The following CHRDL2 variants were observed in gnomAD, a reference collection of about 807,000 sequenced individuals.
The protein encoded by CHRDL2 is chordin-like protein 2.
In CHRDL2, 41 loss-of-function variants were observed where a neutral mutation model predicts 54.3. The ratio of observed to expected loss-of-function variants is 0.76; its 90% CI spans 0.59 to 0.98. The LOEUF (loss-of-function observed/expected upper bound fraction) is 0.98, where lower values mean the gene tolerates loss of function less well. Among genes scored for constraint, CHRDL2 ranks in the 50% least tolerant of loss-of-function variants. The probability of loss-of-function intolerance (pLI) is 0.00; values close to 1 mark genes in which losing one functional copy is unlikely to be tolerated. For synonymous variants in CHRDL2, 220 were observed against 224.3 expected (o/e 0.98, Z 0.17); for missense variants, 518 against 562.4 (o/e 0.92, Z 0.80).
chr11:74,701,543 C>T (rs376631893), intron 9 of CHRDL2: 637 of 711,514 alleles, frequency 9.0e-4, no homozygotes, highest in Non-Finnish European at 1.3e-3. Context: ...GGGAAAGAGC[C>T]GCATCTGACG....
chr11:74,704,888 C>T (rs567422299), intron 6 of CHRDL2, among the ~76,000 whole-genome samples: 159 of 152,272 alleles, frequency 1.0e-3, no homozygotes, highest in Admixed American at 3.0e-3. Flanking sequence ...CTGGCCTCCA[C>T]GAAGCCCTTC....
intron 2 of CHRDL2, among the ~76,000 whole-genome samples, chr11:74,715,998 A>AAATAAAT (rs2034340253): frequency 8.0e-6 from 1 of 125,482 alleles, no homozygotes; most frequent in Admixed American, 7.7e-5. Flanking sequence ...AATAAATAAT[A>AAATAAAT]AATAAATAAA....
At chr11:74,699,828 C>T (rs981026972) in intron 9 of CHRDL2, among the ~76,000 whole-genome samples, 20 of 152,230 alleles carry the variant, frequency 1.3e-4, no homozygotes, top group Admixed American at 1.2e-3. Flanking sequence ...TTTGTTTTAA[C>T]TCCCACGGTC....
chr11:74,725,495 G>A lies in CHRDL2; in HGVS notation c.82+5312C>T, dbSNP rs539075934. Among the ~76,000 whole-genome samples the A allele has an allele frequency of 2.8e-4, 42 of 152,320 alleles. No homozygotes were observed. In the South Asian group the frequency reaches 5.6e-3, roughly 20 times the overall value. On this transcript the variant is annotated intron_variant, in intron 1 of 10. Transcript: ENST00000376332. ...AAGGTCAGGAGCCCAGAGTAGCTAA[G>A]GGGATGAGTGATTCCATGATCTTCA...
chr11:74,730,803 T>C lies in CHRDL2; in HGVS notation c.82+4A>G. Reference sequence around the variant, plus strand: ...CTGCCCACCCAGCCTCCCGGTCTACTTACGGGCTCGAGCGTGGGAGTCCAG... The same window carrying C: ...CTGCCCACCCAGCCTCCCGGTCTACCTACGGGCTCGAGCGTGGGAGTCCAG... On this transcript the variant is annotated splice_donor_region_variant and intron_variant, in intron 1 of 10. Coordinates refer to ENST00000376332, the MANE Select transcript of CHRDL2 (RefSeq NM_001278473.3). The C allele has an allele frequency of 6.2e-7, 1 of 1,608,926 alleles. No individual in the cohort carries two copies. Among genetic ancestry groups the C allele is most frequent in the Non-Finnish European group, 8.5e-7 (1 of 1,178,118 alleles).
chr11:74,725,772 G>C (rs1456726765), intron 1 of CHRDL2, among the ~76,000 whole-genome samples: 1 of 152,172 alleles, frequency 6.6e-6, no homozygotes, highest in African/African-American at 2.4e-5. Context: ...AGAGAGGTCT[G>C]GAATTGTGGC....
At chr11:74,698,719 A>AC (rs1225255395) in intron 9 of CHRDL2, 17 of 86,384 alleles carry the variant, frequency 2.0e-4, no homozygotes, top group Middle Eastern at 4.8e-3. Flanking sequence ...ACACACACAC[A>AC]CACCCCACAT....
chr11:74,718,878 C>A, intron 1 of CHRDL2, 46 bp from the exon 2 acceptor site: 1 of 1,193,224 alleles, frequency 8.4e-7, no homozygotes, highest in Non-Finnish European at 1.2e-6. Flanking sequence ...GGCTCCAGCC[C>A]AAAGACCCTG....
intron 6 of CHRDL2, 77 bp downstream of exon 6, chr11:74,706,410 T>C: frequency 7.1e-7 from 1 of 1,412,204 alleles, no homozygotes; most frequent in Non-Finnish European, 1.0e-6. Context: ...TGGTATTGCC[T>C]GCCCCAGAGT....
rs566778518 is a variant in CHRDL2 at position 74,716,185 on chromosome 11, T to C, written c.195+2535A>G. On this transcript the variant is annotated intron_variant, in intron 2 of 10. Coordinates refer to ENST00000376332, the MANE Select transcript of CHRDL2 (RefSeq NM_001278473.3). ...AACAAGTTGGAATGAGGTTCAAGTGTTGGAAAAACCGACAGAGGTCAGTGT... is the reference window on the plus strand; with the variant it reads ...AACAAGTTGGAATGAGGTTCAAGTGCTGGAAAAACCGACAGAGGTCAGTGT... 9.2e-5 allele frequency among the ~76,000 whole-genome samples: 14 copies of C among 151,774 alleles called. No individual in the cohort carries two copies. In the East Asian group the frequency reaches 1.6e-3, roughly 17 times the overall value.
At chr11:74,710,728 T>G in intron 4 of CHRDL2, 121 bp downstream of exon 4, 2 of 1,305,232 alleles carry the variant, frequency 1.5e-6, no homozygotes, top group South Asian at 1.6e-5. Context: ...CCCTTTCCCC[T>G]GAGCCCATTC....
chr11:74,724,132 C>T (rs1358421819), intron 1 of CHRDL2, among the ~76,000 whole-genome samples: 6 of 152,194 alleles, frequency 3.9e-5, no homozygotes, highest in African/African-American at 1.4e-4. Flanking sequence ...GGTCTTCAGG[C>T]GAGGCTTCTC....
chr11:74,710,927 G>T lies in CHRDL2; in HGVS notation c.354C>A (p.Tyr118Ter), dbSNP rs775337102. Reference protein sequence around the residue: ...PKSCQHNGTMYQHGEIFSAHE... With the variant: ...PKSCQHNGTM ...GGGCACTGAAGATCTCTCCGTGTTGGTACATGGTCCCGTTGTGCTGGCAGG... is the reference window on the plus strand; with the variant it reads ...GGGCACTGAAGATCTCTCCGTGTTGTTACATGGTCCCGTTGTGCTGGCAGG... Residue 118 changes from tyrosine to a stop codon, truncating the protein, a stop_gained, in exon 4 of 11, where the codon TAC (tyrosine) becomes TAA (stop). Transcript: ENST00000376332. LOFTEE classifies it high-confidence loss of function. 15 of 1,614,014 alleles carry T rather than the reference G, an allele frequency of 9.3e-6. No homozygotes were observed. In the Admixed American group the frequency reaches 2.5e-4, roughly 27 times the overall value.
intron 2 of CHRDL2, among the ~76,000 whole-genome samples, chr11:74,714,726 G>A (rs2034296342): frequency 6.6e-6 from 1 of 152,226 alleles, no homozygotes; most frequent in Non-Finnish European, 1.5e-5. Flanking sequence ...GACATCTGAG[G>A]TTCCCAGATG....
At chr11:74,724,176 T>A (rs1263958254) in intron 1 of CHRDL2, among the ~76,000 whole-genome samples, 1 of 152,176 alleles carries the variant, frequency 6.6e-6, no homozygotes, top group Non-Finnish European at 1.5e-5. Context: ...TTGGAGAAAT[T>A]AACAAGATGC....
chr11:74,696,731 G>T (rs2033607479), intron 10 of CHRDL2, 146 bp from the exon 11 acceptor site: 3 of 650,128 alleles, frequency 4.6e-6, no homozygotes, highest in South Asian at 3.6e-5. Flanking sequence ...GGAGGCGAGT[G>T]TGCCATCACA....
At chr11:74,703,975 C>T (rs2033920339) in intron 7 of CHRDL2, among the ~76,000 whole-genome samples, 1 of 152,228 alleles carries the variant, frequency 6.6e-6, no homozygotes, top group African/African-American at 2.4e-5. Flanking sequence ...CCTTCTGTGG[C>T]CATGGCTGCC....
chr11:74,703,276 C>G, intron 8 of CHRDL2, 29 bp downstream of exon 8: 2 of 1,563,518 alleles, frequency 1.3e-6, no homozygotes, highest in Non-Finnish European at 8.7e-7. Context: ...CTGGCCAGCG[C>G]CCTCCTTGCT....
At chr11:74,698,538 T>C (rs1342096869) in intron 9 of CHRDL2, 1 of 152,246 alleles carries the variant, frequency 6.6e-6, no homozygotes, top group Non-Finnish European at 1.5e-5. Context: ...TGTCTACTCC[T>C]GCTTCCTCTA....
Sources: gnomAD v4.1 joint callset for allele counts (sites outside exome capture counted in the v4.1 genomes callset) on GRCh38, gnomAD v4.1.1 for gene constraint, MANE v1.5 for transcripts, NCBI Gene and HGNC (gene_info 2026-07-23, HGNC 2026-07-21) for gene names.